Variants in DTWD2 observed in about 807,000 individuals in gnomAD.
DTWD2 encodes DTW motif tRNA-uridine aminocarboxypropyltransferase 2.
Under a neutral mutation model 31.8 loss-of-function variants are expected in DTWD2, and 39 were observed. That is an observed-to-expected ratio of 1.22 (90% CI 0.95 to 1.60). The LOEUF (loss-of-function observed/expected upper bound fraction) is 1.60. Ranked by LOEUF, DTWD2 falls within the 40% of genes most tolerant of loss-of-function variation. The pLI is 0.00. For missense variants in DTWD2, 515 were observed against 381.5 expected (o/e 1.35, Z -2.92); for synonymous variants, 180 against 142.8 (o/e 1.26, Z -1.86).
chr5:118,847,661 G>A lies in DTWD2; in HGVS notation c.726+429C>T, dbSNP rs374061643. ...TTTACATTCTAAGCAAGGTTAACACGAGAAACAGAAAGTTAGTATACGGCA... is the reference window on the plus strand; with the variant it reads ...TTTACATTCTAAGCAAGGTTAACACAAGAAACAGAAAGTTAGTATACGGCA... On this transcript the variant is annotated intron_variant, in intron 5 of 5. Coordinates refer to ENST00000510708, the MANE Select transcript of DTWD2 (RefSeq NM_173666.4). 7.9e-5 allele frequency among the ~76,000 whole-genome samples: 12 copies of A among 150,974 alleles called. No homozygotes were observed. The South Asian group carries it at 1.5e-3, about 18-fold the overall frequency.
chr5:118,914,644 C>T (rs116286909), intron 4 of DTWD2, among the ~76,000 whole-genome samples: 1,836 of 152,214 alleles, frequency 0.012, 34 homozygotes, highest in African/African-American at 0.042. Context: ...AAATATAAAA[C>T]AAAATATTAG....
chr5:118,930,423 T>C (rs1280663490), intron 3 of DTWD2, among the ~76,000 whole-genome samples: 1 of 151,824 alleles, frequency 6.6e-6, no homozygotes, highest in Non-Finnish European at 1.5e-5. Flanking sequence ...AAATAAAGAG[T>C]TTGAAAGTCA....
At chr5:118,847,073 T>G (rs1336130524) in intron 5 of DTWD2, among the ~76,000 whole-genome samples, 1 of 152,124 alleles carries the variant, frequency 6.6e-6, no homozygotes, top group Admixed American at 6.6e-5. Flanking sequence ...GGCCTGCTTC[T>G]AACATTCTTT....
intron 1 of DTWD2, among the ~76,000 whole-genome samples, chr5:118,977,936 T>G (rs895629061): frequency 2.7e-4 from 41 of 152,298 alleles, no homozygotes; most frequent in African/African-American, 9.1e-4. Flanking sequence ...GGCATTACAC[T>G]ACCTGACTTC....
At chr5:118,956,310 T>A (rs1194131025) in intron 1 of DTWD2, among the ~76,000 whole-genome samples, 2 of 152,262 alleles carry the variant, frequency 1.3e-5, no homozygotes, top group African/African-American at 4.8e-5. Flanking sequence ...TTAATGTAAT[T>A]ACATTCTTAA....
At chr5:118,962,504 A>T (rs1246764203) in intron 1 of DTWD2, among the ~76,000 whole-genome samples, 2 of 152,166 alleles carry the variant, frequency 1.3e-5, no homozygotes, top group South Asian at 2.1e-4. Flanking sequence ...AAAAATTATT[A>T]ATTTGCCGAT....
chr5:118,949,147 G>A (rs759445169), intron 1 of DTWD2, among the ~76,000 whole-genome samples: 16 of 151,858 alleles, frequency 1.1e-4, no homozygotes, highest in Non-Finnish European at 1.9e-4. Flanking sequence ...TTGTAGGAGG[G>A]GCTATAAAGT....
intron 3 of DTWD2, among the ~76,000 whole-genome samples, chr5:118,935,392 G>T (rs571651903): frequency 5.9e-5 from 9 of 152,206 alleles, no homozygotes; most frequent in African/African-American, 2.2e-4. Context: ...CTGAAGCGGG[G>T]AAGGGGCAGT....
chr5:118,921,336 A>AC (rs1753697926), intron 4 of DTWD2, among the ~76,000 whole-genome samples: 1 of 151,958 alleles, frequency 6.6e-6, no homozygotes, highest in African/African-American at 2.4e-5. Context: ...ACATGGCGAG[A>AC]CCCCTTCTCT....
intron 4 of DTWD2, among the ~76,000 whole-genome samples, chr5:118,906,693 G>C (rs1250034934): frequency 6.6e-6 from 1 of 152,216 alleles, no homozygotes; most frequent in African/African-American, 2.4e-5. Flanking sequence ...GGAAAGGGTA[G>C]GAAGAAAAGA....
intron 4 of DTWD2, among the ~76,000 whole-genome samples, chr5:118,890,562 CTTTTTTTT>C (rs973397760): frequency 1.4e-4 from 10 of 71,258 alleles, no homozygotes; most frequent in African/African-American, 4.9e-4. Context: ...TTAGGTTTTC[CTTTTTTTT>C]TTTTTTTTTT....
chr5:118,878,075 G>A (rs1180649517), intron 4 of DTWD2, among the ~76,000 whole-genome samples: 1 of 151,636 alleles, frequency 6.6e-6, no homozygotes, highest in African/African-American at 2.4e-5. Flanking sequence ...CATTAAAATG[G>A]GCATACTACC....
At position 118,939,359 on chromosome 5, in the gene DTWD2, T is replaced by C. The variant is rs575910315; in HGVS notation, c.310-69A>G. ...ATACACACTTTTAAATATTTTATAA[T>C]GAACATCTGATTCATAACTTTATGC... is the stretch of plus-strand genomic sequence containing the variant. On this transcript the variant is annotated intron_variant, in intron 2 of 5. Transcript: ENST00000510708. The C allele has an allele frequency of 7.1e-6, 9 of 1,271,442 alleles. No individual in the cohort carries two copies. The East Asian group carries it at 2.3e-4, about 32-fold the overall frequency. The allele number at this position is 1,271,442 out of a possible 1,614,324, so 78.8% of individuals were successfully genotyped here. A position where few individuals can be genotyped will look rare whatever the true frequency, so the allele number is the denominator to read the frequency against.
chr5:118,935,794 T>C (rs1754032399), intron 3 of DTWD2, among the ~76,000 whole-genome samples: 1 of 152,220 alleles, frequency 6.6e-6, no homozygotes, highest in Admixed American at 6.5e-5. Flanking sequence ...TAATCATAGC[T>C]GGAGATTTTA....
At chr5:118,893,770 G>C (rs1032354822) in intron 4 of DTWD2, among the ~76,000 whole-genome samples, 1 of 152,048 alleles carries the variant, frequency 6.6e-6, no homozygotes, top group African/African-American at 2.4e-5. Context: ...TGAATGGAGA[G>C]GACCACAAGC....
At chr5:118,905,841 T>A (rs1157908388) in intron 4 of DTWD2, among the ~76,000 whole-genome samples, 1 of 152,140 alleles carries the variant, frequency 6.6e-6, no homozygotes, top group Non-Finnish European at 1.5e-5. Flanking sequence ...TTTTTTAACA[T>A]CATGTATATG....
chr5:118,846,040 A>G (rs894702440), intron 5 of DTWD2, among the ~76,000 whole-genome samples: 2 of 152,216 alleles, frequency 1.3e-5, no homozygotes, highest in Admixed American at 1.3e-4. Flanking sequence ...ATATAATGTT[A>G]TATCATTTTT....
intron 5 of DTWD2, 86 bp from the exon 6 acceptor site, chr5:118,841,173 C>T: frequency 2.1e-6 from 3 of 1,456,964 alleles, no homozygotes; most frequent in Non-Finnish European, 2.8e-6. Context: ...ATAGGAGTTA[C>T]TATGTTTCTT....
chr5:118,936,914 C>G (rs1377059257), intron 3 of DTWD2, among the ~76,000 whole-genome samples: 2 of 151,996 alleles, frequency 1.3e-5, no homozygotes, highest in Non-Finnish European at 2.9e-5. Flanking sequence ...ACTACAGATT[C>G]TACAGACATG....
Sources: gnomAD v4.1 joint callset for allele counts (sites outside exome capture counted in the v4.1 genomes callset) on GRCh38, gnomAD v4.1.1 for gene constraint, MANE v1.5 for transcripts, NCBI Gene and HGNC (gene_info 2026-07-23, HGNC 2026-07-21) for gene names.